The following NWD2 variants were observed in gnomAD, a reference collection of about 807,000 sequenced individuals.
NWD2 encodes NACHT and WD repeat domain-containing protein 2.
Under a neutral mutation model 132.7 loss-of-function variants are expected in NWD2, and 37 were observed. That is an observed-to-expected ratio of 0.28 (90% CI 0.21 to 0.37). The LOEUF (loss-of-function observed/expected upper bound fraction) is 0.37, where lower values mean the gene tolerates loss of function less well. NWD2 is among the 10% of genes least tolerant of loss of function. NWD2 has a pLI of 1.00. For synonymous variants in NWD2, 705 were observed against 803.0 expected, an observed-to-expected ratio of 0.88 and a Z score of 2.06; for missense variants, 1,592 against 2,122.4, an observed-to-expected ratio of 0.75 and a Z score of 4.91.
chr4:37,390,231 T>A (rs183510745), intron 3 of NWD2, among the ~76,000 whole-genome samples: 47 of 141,362 alleles, frequency 3.3e-4, no homozygotes, highest in African/African-American at 1.1e-3. Flanking sequence ...TATATGTACA[T>A]ATACTTTAAG....
intron 3 of NWD2, among the ~76,000 whole-genome samples, chr4:37,394,806 T>TTTGTTTTTTTTTG (rs1406834562): frequency 7.0e-5 from 7 of 100,534 alleles, no homozygotes; most frequent in Admixed American, 1.1e-4. Flanking sequence ...ATGGTTTTTT[T>TTTGTTTTTTTTTG]TTTTTTTTTT....
chr4:37,315,670 TC>T (rs1347020965), intron 1 of NWD2, among the ~76,000 whole-genome samples: 1 of 152,116 alleles, frequency 6.6e-6, no homozygotes, highest in Admixed American at 6.5e-5. Context: ...GAATATTTAT[TC>T]CATTTTTATT....
At chr4:37,319,572 C>T (rs1306659254) in intron 1 of NWD2, among the ~76,000 whole-genome samples, 3 of 151,978 alleles carry the variant, frequency 2.0e-5, no homozygotes, top group Non-Finnish European at 4.4e-5. Context: ...AATGGTTTTT[C>T]TTAGGTTTTC....
intron 3 of NWD2, among the ~76,000 whole-genome samples, chr4:37,409,327 A>T (rs928775437): frequency 2.6e-5 from 4 of 151,970 alleles, no homozygotes; most frequent in African/African-American, 9.7e-5. Context: ...GACCTGATGG[A>T]TCTGAAAAAC....
At chr4:37,380,100 G>A (rs546133236) in intron 3 of NWD2, among the ~76,000 whole-genome samples, 5 of 152,306 alleles carry the variant, frequency 3.3e-5, no homozygotes, top group East Asian at 1.9e-4. Context: ...ATTTTCTCAC[G>A]TAATCCTTAC....
At position 37,313,502 on chromosome 4, in the gene NWD2, A is replaced by C. The variant is rs796330177; in HGVS notation, c.152-12434A>C. ...CCCTTTATCATTTTTTATTGTGTCT[A>C]GTTGATTCTTCTGTCTTTTTTTCTT... is the stretch of plus-strand genomic sequence containing the variant. On this transcript the variant is annotated intron_variant, in intron 1 of 6. Coordinates refer to ENST00000309447, the MANE Select transcript of NWD2 (RefSeq NM_001144990.2). 5.0e-5 allele frequency among the ~76,000 whole-genome samples: 7 copies of C among 140,748 alleles called. 2 individuals are homozygous for C. The highest frequency in any genetic ancestry group is 1.9e-4 in the African/African-American group (7 of 36,458). 92.3% of individuals were successfully genotyped at this position (140,748 alleles called of 152,430 possible). A position where few individuals can be genotyped will look rare whatever the true frequency, so the allele number is the denominator to read the frequency against.
chr4:37,250,334 G>A lies in NWD2; in HGVS notation c.151+5116G>A, dbSNP rs145483661. ...GTATCTTCTAAGTCCTGAAGCAGAC[G>A]TTATTCAAGTGGAGAAATTATTAGA... On this transcript the variant is annotated intron_variant, in intron 1 of 6. Coordinates refer to ENST00000309447, the MANE Select transcript of NWD2 (RefSeq NM_001144990.2). Among the ~76,000 whole-genome samples, 7 of 152,272 alleles carry A rather than the reference G, an allele frequency of 4.6e-5. No homozygotes were observed. The East Asian group carries it at 5.8e-4, about 13-fold the overall frequency.
At chr4:37,345,255 T>C (rs576225093) in intron 2 of NWD2, among the ~76,000 whole-genome samples, 1 of 152,290 alleles carries the variant, frequency 6.6e-6, no homozygotes, top group South Asian at 2.1e-4. Context: ...AATTATCAGG[T>C]CATGTGGTAA....
intron 1 of NWD2, among the ~76,000 whole-genome samples, chr4:37,302,617 A>AT (rs1327924128): frequency 1.3e-5 from 2 of 151,776 alleles, no homozygotes; most frequent in South Asian, 2.1e-4. Flanking sequence ...TCTCACCAGC[A>AT]TTTTTTTTAT....
At chr4:37,384,645 T>C (rs1230686071) in intron 3 of NWD2, among the ~76,000 whole-genome samples, 1 of 152,216 alleles carries the variant, frequency 6.6e-6, no homozygotes, top group Non-Finnish European at 1.5e-5. Flanking sequence ...AGCTCAGCTA[T>C]GTCTTCTCTT....
chr4:37,271,997 G>A (rs531598087), intron 1 of NWD2, among the ~76,000 whole-genome samples: 1 of 151,720 alleles, frequency 6.6e-6, no homozygotes, highest in East Asian at 1.9e-4. Context: ...ATTTTTTGAG[G>A]ACTTTTATTA....
At chr4:37,314,275 G>A (rs1718914313) in intron 1 of NWD2, among the ~76,000 whole-genome samples, 2 of 152,154 alleles carry the variant, frequency 1.3e-5, no homozygotes, top group African/African-American at 4.8e-5. Context: ...TTCTTTTGAT[G>A]TCTGTCTGGT....
At chr4:37,344,104 T>C (rs1719583809) in intron 2 of NWD2, among the ~76,000 whole-genome samples, 2 of 152,184 alleles carry the variant, frequency 1.3e-5, no homozygotes, top group East Asian at 1.9e-4. Flanking sequence ...TTCCAATAAA[T>C]AGTAAATTAG....
intron 1 of NWD2, among the ~76,000 whole-genome samples, chr4:37,289,756 A>G (rs1361607471): frequency 6.6e-6 from 1 of 152,172 alleles, no homozygotes; most frequent in Non-Finnish European, 1.5e-5. Flanking sequence ...CTAAATATGG[A>G]ACATTTTTCT....
At position 37,423,012 on chromosome 4, in the gene NWD2, C is replaced by T. The variant is rs140052555; in HGVS notation, c.358-7560C>T. ...TTTTTTTTTTGCCCATAGAGAGATG[C>T]CAGTAAATATCAAATTATTATCAAC... On this transcript the variant is annotated intron_variant, in intron 3 of 6. Coordinates refer to ENST00000309447, the MANE Select transcript of NWD2 (RefSeq NM_001144990.2). Among the ~76,000 whole-genome samples, 180 of 151,322 alleles carry T rather than the reference C, an allele frequency of 1.2e-3. 4 individuals are homozygous for T. The East Asian group carries it at 0.029, about 24-fold the overall frequency.
chr4:37,248,119 C>T (rs1717282293), intron 1 of NWD2, among the ~76,000 whole-genome samples: 1 of 152,134 alleles, frequency 6.6e-6, no homozygotes, highest in Non-Finnish European at 1.5e-5. Context: ...CTATAGGACC[C>T]TGACAACACT....
chr4:37,408,526 A>T lies in NWD2; in HGVS notation c.358-22046A>T, dbSNP rs149859992. Among the ~76,000 whole-genome samples, 929 of 152,330 alleles carry T rather than the reference A, an allele frequency of 6.1e-3. 5 individuals are homozygous for T. Among genetic ancestry groups the T allele is most frequent in the African/African-American group, 0.022 (895 of 41,578 alleles). ...TCTCTGAAAAAAAGGCAGCAGACCC[A>T]GTCAGGGACTTGCAGATAAAACCCC... On this transcript the variant is annotated intron_variant, in intron 3 of 6. Coordinates refer to ENST00000309447, the MANE Select transcript of NWD2 (RefSeq NM_001144990.2).
At chr4:37,276,148 T>C (rs1313162888) in intron 1 of NWD2, among the ~76,000 whole-genome samples, 1 of 151,998 alleles carries the variant, frequency 6.6e-6, no homozygotes, top group African/African-American at 2.4e-5. Flanking sequence ...AAACTACCAT[T>C]GGAGTGAACA....
chr4:37,280,245 T>C (rs995716963), intron 1 of NWD2, among the ~76,000 whole-genome samples: 10 of 152,192 alleles, frequency 6.6e-5, no homozygotes, highest in African/African-American at 2.4e-4. Context: ...TATTAAACAT[T>C]GAAATAAATG....
Sources: gnomAD v4.1 joint callset for allele counts (sites outside exome capture counted in the v4.1 genomes callset) on GRCh38, gnomAD v4.1.1 for gene constraint, MANE v1.5 for transcripts, NCBI Gene and HGNC (gene_info 2026-07-23, HGNC 2026-07-21) for gene names.